Variants in OR2B11 observed in about 807,000 individuals in gnomAD.
OR2B11 encodes the protein olfactory receptor family 2 subfamily B member 11.
For synonymous variants in OR2B11, 198 were observed against 174.5 expected (o/e 1.13, Z -1.06); for missense variants, 422 against 400.0 (o/e 1.05, Z -0.47).
rs1664828265 is a variant in OR2B11, at chr1:247,450,976, T to C, written c.*53A>G. The C allele has an allele frequency of 1.8e-6, 2 of 1,105,278 alleles. No homozygotes were observed. Among genetic ancestry groups the C allele is most frequent in the East Asian group, 2.5e-5 (1 of 40,462 alleles). 68.5% of individuals were successfully genotyped at this position (1,105,278 alleles called of 1,614,324 possible). ...AGTGAAAGATGCTCTGAGTGCACAA[T>C]AGACTTGTGCTGTGTTCTTTAATTG... On this transcript the variant is annotated 3_prime_UTR_variant, in exon 2 of 2. Coordinates refer to ENST00000641149, the MANE Select transcript of OR2B11 (RefSeq NM_001004492.2).
rs1558215873 is a variant in OR2B11 at position 247,452,294 on chromosome 1, G to A, written c.-312C>T. The A allele has an allele frequency of 3.0e-6, 1 of 333,984 alleles. No homozygotes were observed. The highest frequency in any genetic ancestry group is 5.9e-5 in the East Asian group (1 of 17,080). 20.7% of individuals were successfully genotyped at this position (333,984 alleles called of 1,614,324 possible). A position where few individuals can be genotyped will look rare whatever the true frequency, so the allele number is the denominator to read the frequency against. On this transcript the variant is annotated 5_prime_UTR_variant, in exon 2 of 2. Coordinates refer to ENST00000641149, the MANE Select transcript of OR2B11 (RefSeq NM_001004492.2). Reference sequence around the variant, plus strand: ...CCTTCAATTGCCAAGACTTGGGGACGATAGAGACATTAAGTATGTGAGAAG... The same window carrying A: ...CCTTCAATTGCCAAGACTTGGGGACAATAGAGACATTAAGTATGTGAGAAG...
chr1:247,455,239 G>T (rs1261850387), intron 1 of OR2B11, among the ~76,000 whole-genome samples, 175 bp from the exon 2 acceptor site: 3 of 152,140 alleles, frequency 2.0e-5, no homozygotes, highest in African/African-American at 7.2e-5. Context: ...GGAATTCCTA[G>T]AAAGTAGCTT....
At position 247,457,333 on chromosome 1, in the gene OR2B11, G is replaced by A. The variant is rs190638937; in HGVS notation, c.-3083+306C>T. ...AGCAGCCTCAAAAATAGGAGGAAGCGGAGGAAAGGGACTCAGCGTCCCCAC... is the reference window on the plus strand; with the variant it reads ...AGCAGCCTCAAAAATAGGAGGAAGCAGAGGAAAGGGACTCAGCGTCCCCAC... On this transcript the variant is annotated intron_variant, in intron 1 of 1. Transcript: ENST00000641149. Among the ~76,000 whole-genome samples, 533 of 152,168 alleles carry A rather than the reference G, an allele frequency of 3.5e-3. 5 individuals are homozygous for A. The highest frequency in any genetic ancestry group is 0.012 in the African/African-American group (518 of 41,516).
Position 247,454,863 on chromosome 1 carries a change from G to A in OR2B11, c.-2881C>T, listed in dbSNP as rs1046586935. On this transcript the variant is annotated 5_prime_UTR_variant, in exon 2 of 2. Coordinates refer to ENST00000641149, the MANE Select transcript of OR2B11 (RefSeq NM_001004492.2). Reference sequence around the variant, plus strand: ...AACCCCTCACTCACCCTCACACGAAGTCATCTTTCTGAGACTCAGGCCTTA... The same window carrying A: ...AACCCCTCACTCACCCTCACACGAAATCATCTTTCTGAGACTCAGGCCTTA... 4 of 152,264 alleles carry A rather than the reference G, an allele frequency of 2.6e-5. No homozygotes were observed. The highest frequency in any genetic ancestry group is 9.6e-5 in the African/African-American group (4 of 41,546). 9.4% of individuals were successfully genotyped at this position (152,264 alleles called of 1,614,324 possible).
At position 247,451,610 on chromosome 1, in the gene OR2B11, C is replaced by T; in HGVS notation, c.373G>A (p.Asp125Asn). The T allele has an allele frequency of 6.2e-7, 1 of 1,613,958 alleles. No homozygotes were observed. Among genetic ancestry groups the T allele is most frequent in the Non-Finnish European group, 8.5e-7 (1 of 1,179,926 alleles). Residue 125 changes from aspartate (D) to asparagine (N), a missense_variant, in exon 2 of 2, where the codon GAC becomes AAC. Transcript: ENST00000641149. ...GGCTTGCAGATGGCCACGTAGCGGT[C>T]CAGGGCCATGGCGGCCAGGACGATG... ...ECIVLAAMALDRYVAICKPLH... is the reference protein window; with the variant it reads ...ECIVLAAMALNRYVAICKPLH...
In OR2B11 at chr1:247,451,343, G is replaced by T; in HGVS notation, c.640C>A (p.Pro214Thr). Residue 214 changes from proline (P) to threonine (T), a missense_variant, in exon 2 of 2, where the codon CCC becomes ACC. By Grantham distance (38) the Pro-to-Thr change is conservative. Transcript: ENST00000641149. ...AVLVAFFVLV[P>T]LALILLSYGF... ...TAGGAGAGAAGGATGAGAGCCAGGG[G>T]CACCAACACGAAGAAGGCCACCAGC... The T allele has an allele frequency of 6.2e-7, 1 of 1,614,156 alleles. No homozygotes were observed. Among genetic ancestry groups the T allele is most frequent in the Non-Finnish European group, 8.5e-7 (1 of 1,180,020 alleles).
In OR2B11 at chr1:247,451,230, G is replaced by A. The variant is rs780372908; in HGVS notation, c.753C>T (p.Ile251=). 12 of 1,600,732 alleles carry A rather than the reference G, an allele frequency of 7.5e-6. No individual in the cohort carries two copies. Among genetic ancestry groups the A allele is most frequent in the Admixed American group, 1.7e-5 (1 of 59,342 alleles). ...AFGTCSSHLM[I]VSLFYLPAIY... ...TCGCAGGTAGGTAGAAGAGGGAGAC[G>A]ATCATCAGGTGGGAGGAACACGTCC... is the stretch of plus-strand genomic sequence containing the variant. Residue 251 remains isoleucine, a synonymous_variant, in exon 2 of 2, where the codon ATC becomes ATT. Coordinates refer to ENST00000641149, the MANE Select transcript of OR2B11 (RefSeq NM_001004492.2).
In OR2B11 at chr1:247,456,080, C is replaced by T. The variant is rs150503179; in HGVS notation, c.-3082-1016G>A. ...CACCAGTTCTCTGTGCACTAGGCAC[C>T]GCATATGAGCCTTCCCATATCCCAT... is the stretch of plus-strand genomic sequence containing the variant. On this transcript the variant is annotated intron_variant, in intron 1 of 1. Transcript: ENST00000641149. Among the ~76,000 whole-genome samples, 875 of 152,242 alleles carry T rather than the reference C, an allele frequency of 5.7e-3. 7 individuals are homozygous for T. Among genetic ancestry groups the T allele is most frequent in the Non-Finnish European group, 6.6e-3 (451 of 68,010 alleles).
In OR2B11 at chr1:247,451,149, A is replaced by G. The variant is rs1269610250; in HGVS notation, c.834T>C (p.Ile278=). ...GGGTGATTATGGAATAGAAGAGAGAAATAAATTTGCCCTGCTCTTGGGAGT... is the reference window on the plus strand; with the variant it reads ...GGGTGATTATGGAATAGAAGAGAGAGATAAATTTGCCCTGCTCTTGGGAGT... The part of the protein sequence containing the change: ...SSYSQEQGKF[I]SLFYSIITPT... Residue 278 remains isoleucine, a synonymous_variant, in exon 2 of 2, where the codon ATT becomes ATC. Coordinates refer to ENST00000641149, the MANE Select transcript of OR2B11 (RefSeq NM_001004492.2). The G allele has an allele frequency of 2.6e-6, 4 of 1,534,732 alleles. No homozygotes were observed. Among genetic ancestry groups the G allele is most frequent in the East Asian group, 4.5e-5 (2 of 44,202 alleles).
Position 247,457,121 on chromosome 1 carries a change from A to T in OR2B11, c.-3083+518T>A, listed in dbSNP as rs545136018. ...CTCAGCGCGTGGCTCAGGCAGGGTCAGCCCCTCTGCACATGCCTCCCCCTA... is the reference window on the plus strand; with the variant it reads ...CTCAGCGCGTGGCTCAGGCAGGGTCTGCCCCTCTGCACATGCCTCCCCCTA... On this transcript the variant is annotated intron_variant, in intron 1 of 1. Coordinates refer to ENST00000641149, the MANE Select transcript of OR2B11 (RefSeq NM_001004492.2). Among the ~76,000 whole-genome samples, 3 of 152,206 alleles carry T rather than the reference A, an allele frequency of 2.0e-5. No homozygotes were observed. In the South Asian group the frequency reaches 6.2e-4, roughly 32 times the overall value.
intron 1 of OR2B11, among the ~76,000 whole-genome samples, chr1:247,456,682 A>G (rs1460263962): frequency 6.6e-6 from 1 of 151,208 alleles, no homozygotes; most frequent in Non-Finnish European, 1.5e-5. Flanking sequence ...ACACAGGTAT[A>G]CACGTGCCAT....
rs1000020311 is a variant in OR2B11 at position 247,452,925 on chromosome 1, T to C, written c.-943A>G. On this transcript the variant is annotated 5_prime_UTR_variant, in exon 2 of 2. Transcript: ENST00000641149. ...CCGAGCAGCTGTCACCTCTCAGTGA[T>C]AGAAAACAGCCAATTTGATTTCTGA... The C allele has an allele frequency of 6.6e-6, 1 of 152,180 alleles. No homozygotes were observed. Among genetic ancestry groups the C allele is most frequent in the African/African-American group, 2.4e-5 (1 of 41,430 alleles). 9.4% of individuals were successfully genotyped at this position (152,180 alleles called of 1,614,324 possible).
At position 247,451,033 on chromosome 1, in the gene OR2B11, C is replaced by A; in HGVS notation, c.950G>T (p.Gly317Val). 1 of 1,485,372 alleles carries A rather than the reference C, an allele frequency of 6.7e-7. No homozygotes were observed. The highest frequency in any genetic ancestry group is 2.3e-5 in the East Asian group (1 of 43,608). The allele number at this position is 1,485,372 out of a possible 1,614,324, so 92.0% of individuals were successfully genotyped here. ...RLLARIWRLC[G>V] ...ATGCTACATCTCATGTCCTCATCAT[C>A]CACAGAGCCTCCAGATCCTGGCCAG... Residue 317 changes from glycine to valine, a missense_variant, in exon 2 of 2, where the codon GGA becomes GTA. Coordinates refer to ENST00000641149, the MANE Select transcript of OR2B11 (RefSeq NM_001004492.2).
At position 247,452,266 on chromosome 1, in the gene OR2B11, C is replaced by T. The variant is rs1326846509; in HGVS notation, c.-284G>A. The T allele has an allele frequency of 2.6e-6, 1 of 384,194 alleles. No homozygotes were observed. The highest frequency in any genetic ancestry group is 4.7e-6 in the Non-Finnish European group (1 of 210,626). 23.8% of individuals were successfully genotyped at this position (384,194 alleles called of 1,614,324 possible). ...TGCATCTGTAAAATGGGGAGAAATA[C>T]CTCCTTCAATTGCCAAGACTTGGGG... On this transcript the variant is annotated 5_prime_UTR_variant, in exon 2 of 2. Coordinates refer to ENST00000641149, the MANE Select transcript of OR2B11 (RefSeq NM_001004492.2).
At position 247,451,427 on chromosome 1, in the gene OR2B11, G is replaced by C. The variant is rs143103868; in HGVS notation, c.556C>G (p.Pro186Ala). The C allele has an allele frequency of 2.6e-5, 42 of 1,613,986 alleles. No individual in the cohort carries two copies. Among genetic ancestry groups the C allele is most frequent in the Middle Eastern group, 3.3e-4 (2 of 6,082 alleles). The change falls in exon 2 of 2, where the codon CCG becomes GCG. Residue 186 changes from proline to alanine, a missense_variant. Pro to Ala is a conservative substitution (Grantham distance 27). Transcript: ENST00000641149. ...GCACACGACAGCTTGATCACGGCCG[G>C]CACCTCACAGAAAAAGTTGTTCAGC... ...QVLNNFFCEV[P>A]AVIKLSCADT...
Position 247,453,031 on chromosome 1 carries a change from C to T in OR2B11, c.-1049G>A, listed in dbSNP as rs1664882842. ...CGACTGCACCATTGGCTTCTCACCT[C>T]CTACAATCGCTCAAGCATTGCACAC... On this transcript the variant is annotated 5_prime_UTR_variant, in exon 2 of 2. Transcript: ENST00000641149. 1 of 152,178 alleles carries T rather than the reference C, an allele frequency of 6.6e-6. No individual in the cohort carries two copies. Among genetic ancestry groups the T allele is most frequent in the African/African-American group, 2.4e-5 (1 of 41,434 alleles). 9.4% of individuals were successfully genotyped at this position (152,178 alleles called of 1,614,324 possible). A position where few individuals can be genotyped will look rare whatever the true frequency, so the allele number is the denominator to read the frequency against.
chr1:247,456,445 C>G (rs1399673964), intron 1 of OR2B11, among the ~76,000 whole-genome samples: 1 of 152,128 alleles, frequency 6.6e-6, no homozygotes, highest in Non-Finnish European at 1.5e-5. Context: ...CCTCACCCAG[C>G]CCAGTTTCCC....
rs945904840 is a variant in OR2B11, at chr1:247,449,744, T to G, written c.*1285A>C. ...GCAAACTCTGTCTTGTTAGCACTTC[T>G]GAGCAGCACCAACTGGAGACTGGGT... On this transcript the variant is annotated 3_prime_UTR_variant, in exon 2 of 2. Transcript: ENST00000641149. 6.6e-6 allele frequency: 1 copy of G among 152,216 alleles called. No homozygotes were observed. Among genetic ancestry groups the G allele is most frequent in the Non-Finnish European group, 1.5e-5 (1 of 68,042 alleles). The allele number at this position is 152,216 out of a possible 1,614,324, so 9.4% of individuals were successfully genotyped here.
In OR2B11 at chr1:247,452,350, G is replaced by A. The variant is rs1381794917; in HGVS notation, c.-368C>T. The A allele has an allele frequency of 4.5e-6, 1 of 222,186 alleles. No individual in the cohort carries two copies. The allele number at this position is 222,186 out of a possible 1,614,324, so 13.8% of individuals were successfully genotyped here. A position where few individuals can be genotyped will look rare whatever the true frequency, so the allele number is the denominator to read the frequency against. On this transcript the variant is annotated 5_prime_UTR_variant, in exon 2 of 2. Transcript: ENST00000641149. ...CTCACGAATGACAATTATGTTCCAG[G>A]TAGAGCGAAGCGTGCTGCAGCTCCC... is the stretch of plus-strand genomic sequence containing the variant.
Sources: gnomAD v4.1 joint callset for allele counts (sites outside exome capture counted in the v4.1 genomes callset) on GRCh38, gnomAD v4.1.1 for gene constraint, MANE v1.5 for transcripts, NCBI Gene and HGNC (gene_info 2026-07-23, HGNC 2026-07-21) for gene names.